Variants in MRTFB observed in about 807,000 individuals in gnomAD.
MRTFB encodes myocardin-related transcription factor B.
A neutral mutation model predicts 104.2 loss-of-function variants in MRTFB; 29 were observed. The ratio of observed to expected loss-of-function variants is 0.28; its 90% CI spans 0.21 to 0.38. MRTFB has a LOEUF of 0.38. MRTFB is among the 10% of genes least tolerant of loss of function. The probability of loss-of-function intolerance (pLI) is 1.00; values close to 1 mark genes in which losing one functional copy is unlikely to be tolerated. For missense variants in MRTFB, 1,270 were observed against 1,341.6 expected, an observed-to-expected ratio of 0.95 and a Z score of 0.83; for synonymous variants, 535 against 519.5, an observed-to-expected ratio of 1.03 and a Z score of -0.41.
intron 9 of MRTFB, among the ~76,000 whole-genome samples, chr16:14,237,216 G>A (rs2042555775): frequency 6.6e-6 from 1 of 152,188 alleles, no homozygotes; most frequent in Non-Finnish European, 1.5e-5. Flanking sequence ...AATTACCTAG[G>A]GTCTAAGTAC....
At chr16:14,233,064 T>TA (rs1211248202) in intron 8 of MRTFB, among the ~76,000 whole-genome samples, 7 of 152,212 alleles carry the variant, frequency 4.6e-5, no homozygotes, top group Non-Finnish European at 7.3e-5. Context: ...ATAAAATACT[T>TA]AAAATCTATG....
chr16:14,004,155 C>CTTCTGTACCTTGATTTCTGTAGGAAAT, the MRTFB span, among the ~76,000 whole-genome samples: 2 of 152,134 alleles, frequency 1.3e-5, no homozygotes, highest in African/African-American at 2.4e-5. Flanking sequence ...TGGTGGCAGC[C>CTTCTGTACCTTGATTTCTGTAGGAAAT]CCGGACCTTG....
intron 2 of MRTFB, among the ~76,000 whole-genome samples, chr16:14,106,889 G>A (rs1333210539): frequency 6.6e-6 from 1 of 152,132 alleles, no homozygotes; most frequent in Admixed American, 6.5e-5. Context: ...GAAAATAAGA[G>A]TAAAATTGTA....
intron 3 of MRTFB, chr16:14,200,585 G>A: frequency 6.2e-7 from 1 of 1,600,414 alleles, no homozygotes; most frequent in Non-Finnish European, 8.6e-7. Flanking sequence ...TGACTTTTGG[G>A]CAGTGAAGAA....
At chr16:13,995,325 G>A in the MRTFB span, among the ~76,000 whole-genome samples, 4 of 152,084 alleles carry the variant, frequency 2.6e-5, no homozygotes, top group Admixed American at 6.6e-5. Context: ...TTCAGGCTAT[G>A]TGATAAGGAC....
At chr16:13,998,861 G>A in the MRTFB span, among the ~76,000 whole-genome samples, 6 of 101,652 alleles carry the variant, frequency 5.9e-5, no homozygotes, top group African/African-American at 2.3e-4. Context: ...GACAGAGTGA[G>A]ACTCTGTTTC....
intron 2 of MRTFB, among the ~76,000 whole-genome samples, chr16:14,139,819 T>G (rs889108246): frequency 6.6e-6 from 1 of 152,196 alleles, no homozygotes; most frequent in African/African-American, 2.4e-5. Context: ...TTATCGAATG[T>G]TTTGCCACTG....
chr16:14,201,202 T>G (rs1316088151), intron 3 of MRTFB, among the ~76,000 whole-genome samples: 1 of 152,218 alleles, frequency 6.6e-6, no homozygotes, highest in Admixed American at 6.5e-5. Flanking sequence ...TCAAGATTTA[T>G]TCTGTGGTGT....
At chr16:14,229,393 A>G (rs2042159278) in intron 8 of MRTFB, among the ~76,000 whole-genome samples, 1 of 152,244 alleles carries the variant, frequency 6.6e-6, no homozygotes, top group Non-Finnish European at 1.5e-5. Flanking sequence ...CAATATTTAA[A>G]GAGTAATTGC....
intron 8 of MRTFB, among the ~76,000 whole-genome samples, chr16:14,227,277 TAA>T (rs371600553): frequency 6.9e-6 from 1 of 144,522 alleles, no homozygotes; most frequent in Non-Finnish European, 1.5e-5. Flanking sequence ...AGCTTGTTGT[TAA>T]AAAAACAAAA....
At chr16:14,091,023 A>T (rs996389486) in intron 2 of MRTFB, among the ~76,000 whole-genome samples, 1 of 151,978 alleles carries the variant, frequency 6.6e-6, no homozygotes, top group Non-Finnish European at 1.5e-5. Context: ...CCATTAAGGA[A>T]TTTAGATTTT....
At chr16:14,037,961 C>T in the MRTFB span, among the ~76,000 whole-genome samples, 1 of 152,198 alleles carries the variant, frequency 6.6e-6, no homozygotes, top group Non-Finnish European at 1.5e-5. Flanking sequence ...TTTGGACCTA[C>T]GGTCGTTATT....
chr16:14,234,443 C>G (rs1408117178), intron 9 of MRTFB, among the ~76,000 whole-genome samples, 160 bp downstream of exon 9: 8 of 152,176 alleles, frequency 5.3e-5, no homozygotes, highest in Non-Finnish European at 1.2e-4. Context: ...AGACTGGGGT[C>G]TTCATGTTTG....
At chr16:14,052,365 G>A in the MRTFB span, among the ~76,000 whole-genome samples, 1 of 152,122 alleles carries the variant, frequency 6.6e-6, no homozygotes, top group Non-Finnish European at 1.5e-5. Context: ...TCACATCGGG[G>A]TATTTAAAAT....
chr16:14,026,308 T>C, the MRTFB span, among the ~76,000 whole-genome samples: 1 of 152,172 alleles, frequency 6.6e-6, no homozygotes, highest in Non-Finnish European at 1.5e-5. Flanking sequence ...CCCACACAAG[T>C]ACCCACAACT....
At chr16:13,999,528 A>C in the MRTFB span, among the ~76,000 whole-genome samples, 1 of 151,952 alleles carries the variant, frequency 6.6e-6, no homozygotes, top group Non-Finnish European at 1.5e-5. Flanking sequence ...AGAAAGAAAA[A>C]AAAAAGCTTT....
chr16:14,127,699 C>T (rs1353306593), intron 2 of MRTFB, among the ~76,000 whole-genome samples: 1 of 150,368 alleles, frequency 6.7e-6, no homozygotes, highest in Non-Finnish European at 1.5e-5. Flanking sequence ...CCAGTGACCA[C>T]TCCATTGCAC....
intron 4 of MRTFB, among the ~76,000 whole-genome samples, chr16:14,211,573 A>G (rs551853703): frequency 2.0e-5 from 3 of 152,304 alleles, no homozygotes; most frequent in Admixed American, 1.3e-4. Context: ...AATAGTGGAC[A>G]TATGCAGACA....
chr16:13,997,945 A>C, the MRTFB span, among the ~76,000 whole-genome samples: 1 of 152,158 alleles, frequency 6.6e-6, no homozygotes, highest in African/African-American at 2.4e-5. Context: ...GGAGGGAGAT[A>C]CTCAAACCAT....
Sources: gnomAD v4.1 joint callset for allele counts (sites outside exome capture counted in the v4.1 genomes callset) on GRCh38, gnomAD v4.1.1 for gene constraint, MANE v1.5 for transcripts, NCBI Gene and HGNC (gene_info 2026-07-23, HGNC 2026-07-21) for gene names.